Variants in DYM observed in about 807,000 individuals in gnomAD.
DYM encodes the protein dymeclin, also known as dyggve-Melchior-Clausen syndrome protein.
Under a neutral mutation model 93.1 loss-of-function variants are expected in DYM, and 78 were observed. The observed-to-expected ratio is 0.84, with a 90% CI of 0.70 to 1.01. DYM has a LOEUF of 1.01. Ranked by LOEUF, DYM falls within the 50% of genes least tolerant of loss-of-function variation. DYM has a pLI of 0.00. For missense variants in DYM, 789 were observed against 845.0 expected, an observed-to-expected ratio of 0.93 and a Z score of 0.82; for synonymous variants, 321 against 319.7, an observed-to-expected ratio of 1.00 and a Z score of -0.04.
At chr18:49,272,819 A>C (rs2094742434) in intron 10 of DYM, among the ~76,000 whole-genome samples, 1 of 152,162 alleles carries the variant, frequency 6.6e-6, no homozygotes, top group African/African-American at 2.4e-5. Context: ...TCTTCAGTAT[A>C]TCTATCAAAC....
intron 17 of DYM, among the ~76,000 whole-genome samples, chr18:49,055,099 C>T (rs1385575802): frequency 2.6e-5 from 4 of 152,098 alleles, no homozygotes; most frequent in Non-Finnish European, 4.4e-5. Flanking sequence ...ACAGACTCTC[C>T]TGCTGCCTTG....
At position 49,338,394 on chromosome 18, in the gene DYM, C is replaced by T. The variant is rs577213727; in HGVS notation, c.495-4541G>A. On this transcript the variant is annotated intron_variant, in intron 6 of 17. Coordinates refer to ENST00000675505, the MANE Select transcript of DYM (RefSeq NM_001353214.3). ...ACGAATCACAACCAAAATTCTCACT[C>T]GACTTTTTTGAGGAACTGCATAAAT... Among the ~76,000 whole-genome samples, 6 of 152,224 alleles carry T rather than the reference C, an allele frequency of 3.9e-5. No individual in the cohort carries two copies. The East Asian group carries it at 1.2e-3, about 29-fold the overall frequency.
intron 14 of DYM, among the ~76,000 whole-genome samples, chr18:49,197,828 G>A (rs927786321): frequency 2.6e-5 from 4 of 152,166 alleles, no homozygotes; most frequent in African/African-American, 9.7e-5. Context: ...AAGATTCAAT[G>A]CCATCCCCAT....
At chr18:49,329,818 C>T (rs1318266354) in intron 8 of DYM, 1 of 152,170 alleles carries the variant, frequency 6.6e-6, no homozygotes, top group Non-Finnish European at 1.5e-5. Flanking sequence ...GAATATAATC[C>T]AAATGAGTTT....
chr18:49,258,550 T>C (rs2094431790), intron 11 of DYM, 57 bp from the exon 12 acceptor site: 1 of 1,090,808 alleles, frequency 9.2e-7, no homozygotes, highest in Non-Finnish European at 1.4e-6. Context: ...ACAAAAGAAT[T>C]ACTCCATGTC....
intron 17 of DYM, among the ~76,000 whole-genome samples, chr18:49,076,872 T>G (rs2077351982): frequency 1.3e-5 from 2 of 152,206 alleles, no homozygotes; most frequent in African/African-American, 4.8e-5. Flanking sequence ...TGCTCTTAAG[T>G]CTTCCTCAGA....
At chr18:49,155,271 C>T (rs904689387) in intron 15 of DYM, among the ~76,000 whole-genome samples, 8 of 152,170 alleles carry the variant, frequency 5.3e-5, no homozygotes, top group African/African-American at 1.9e-4. Flanking sequence ...CTACATTCAC[C>T]TTTGTGCCAT....
At chr18:49,371,237 T>C (rs373612983) in intron 5 of DYM, among the ~76,000 whole-genome samples, 7 of 152,212 alleles carry the variant, frequency 4.6e-5, no homozygotes, top group African/African-American at 1.7e-4. Context: ...TGGTGGCTCA[T>C]GCCTATAATC....
intron 15 of DYM, among the ~76,000 whole-genome samples, chr18:49,150,592 G>C (rs927323932): frequency 6.6e-6 from 1 of 152,216 alleles, no homozygotes; most frequent in African/African-American, 2.4e-5. Context: ...TGAGGAAATA[G>C]ATTTCTGTTG....
intron 1 of DYM, among the ~76,000 whole-genome samples, chr18:49,432,282 G>A (rs76311445): frequency 0.097 from 13,127 of 135,220 alleles, 776 homozygotes; most frequent in East Asian, 0.32. Flanking sequence ...AGTGAGCCAA[G>A]ATCACACCAT....
At position 49,123,197 on chromosome 18, in the gene DYM, T is replaced by C. The variant is rs117792141; in HGVS notation, c.1729-4271A>G. On this transcript the variant is annotated intron_variant, in intron 15 of 17. Coordinates refer to ENST00000675505, the MANE Select transcript of DYM (RefSeq NM_001353214.3). ...ATGATCATGACTGCTATCTTTCTAT[T>C]GTTAATTTCCGCATGTATTTTGTTA... 7.7e-4 allele frequency among the ~76,000 whole-genome samples: 117 copies of C among 152,334 alleles called. 2 individuals carry two copies. The East Asian group carries it at 0.02, about 27-fold the overall frequency.
At chr18:49,248,984 A>G (rs994853570) in intron 13 of DYM, among the ~76,000 whole-genome samples, 21 of 152,232 alleles carry the variant, frequency 1.4e-4, no homozygotes, top group African/African-American at 4.8e-4. Flanking sequence ...AGGTGGAATC[A>G]GGGCTAGGGG....
At chr18:49,387,217 T>G (rs954227817) in intron 3 of DYM, among the ~76,000 whole-genome samples, 2 of 150,752 alleles carry the variant, frequency 1.3e-5, no homozygotes, top group Non-Finnish European at 3.0e-5. Flanking sequence ...CCCAGCCAAT[T>G]CTTGCAATAT....
intron 14 of DYM, among the ~76,000 whole-genome samples, chr18:49,178,269 A>G (rs1421280137): frequency 1.3e-5 from 2 of 152,160 alleles, no homozygotes; most frequent in East Asian, 3.8e-4. Context: ...AAATGGGAAA[A>G]ATCTAAGAGT....
intron 15 of DYM, among the ~76,000 whole-genome samples, chr18:49,125,648 T>A (rs2082743408): frequency 6.6e-6 from 1 of 152,196 alleles, no homozygotes; most frequent in Non-Finnish European, 1.5e-5. Context: ...TTAGAAAGCT[T>A]AGAATTTGGT....
intron 17 of DYM, among the ~76,000 whole-genome samples, chr18:49,060,739 GAGAAGGAGGGAGAGAGAGAGAGAGA>G (rs2075911902): frequency 8.0e-6 from 1 of 124,392 alleles, no homozygotes; most frequent in Non-Finnish European, 1.8e-5. Flanking sequence ...GAGGGAGAGG[GAGAAGGAGGGAGAGAGAGAGAGAGA>G]GGGGGAGAGA....
At chr18:49,099,106 A>T (rs879798539) in intron 16 of DYM, among the ~76,000 whole-genome samples, 9 of 152,210 alleles carry the variant, frequency 5.9e-5, no homozygotes, top group Non-Finnish European at 1.2e-4. Context: ...AAAAATATTT[A>T]AAAAGTAGGA....
chr18:49,106,174 C>G (rs1336926099), intron 16 of DYM, among the ~76,000 whole-genome samples: 1 of 152,150 alleles, frequency 6.6e-6, no homozygotes, highest in East Asian at 1.9e-4. Flanking sequence ...GGCCTTCTTT[C>G]TCTCTTTTGA....
In DYM at chr18:49,331,776, G is replaced by C. The variant is rs376426857; in HGVS notation, c.763+88C>G. On this transcript the variant is annotated intron_variant, in intron 8 of 17. Transcript: ENST00000675505. ...GCACAAATTCAATGTAACTATTAAT[G>C]GTGGCAGCCAAGCAAACAGAATTTC... 5 of 1,393,950 alleles carry C rather than the reference G, an allele frequency of 3.6e-6. No homozygotes were observed. In the African/African-American group the frequency reaches 7.1e-5, roughly 20 times the overall value. 86.3% of individuals were successfully genotyped at this position (1,393,950 alleles called of 1,614,324 possible).
Sources: allele counts gnomAD v4.1 joint callset (sites outside exome capture counted in the v4.1 genomes callset), GRCh38; gene constraint gnomAD v4.1.1; transcripts MANE v1.5; gene names NCBI Gene and HGNC (gene_info 2026-07-23, HGNC 2026-07-21).